PRELID2: variants seen among roughly 807,000 people sequenced by gnomAD.
The protein encoded by PRELID2 is PRELI domain-containing protein 2.
In PRELID2, 25 loss-of-function variants were observed where a neutral mutation model predicts 28.4. The observed-to-expected ratio is 0.88, with a 90% confidence interval of 0.64 to 1.23. PRELID2 has a LOEUF of 1.23. Among genes scored for constraint, PRELID2 ranks in the 50% most tolerant of loss-of-function variants. The probability of loss-of-function intolerance (pLI) is 0.00; values close to 1 mark genes in which losing one functional copy is unlikely to be tolerated. For missense variants in PRELID2, 201 were observed against 214.4 expected (o/e 0.94, Z 0.39); for synonymous variants, 76 against 71.6 (o/e 1.06, Z -0.31).
the PRELID2 span, among the ~76,000 whole-genome samples, chr5:145,311,274 A>T: frequency 6.6e-6 from 1 of 152,176 alleles, no homozygotes; most frequent in Non-Finnish European, 1.5e-5. Context: ...GAGGTGCTAG[A>T]GTGCAGCTCG....
intron 1 of PRELID2, among the ~76,000 whole-genome samples, chr5:145,690,259 C>A (rs1755120916): frequency 6.6e-6 from 1 of 152,166 alleles, no homozygotes; most frequent in Admixed American, 6.5e-5. Flanking sequence ...TCCCAAAATG[C>A]TGGGATAACA....
At chr5:145,264,439 G>A in the PRELID2 span, among the ~76,000 whole-genome samples, 1 of 152,050 alleles carries the variant, frequency 6.6e-6, no homozygotes, top group African/African-American at 2.4e-5. Context: ...AAAAAATCCA[G>A]CATCCCTTTA....
chr5:145,460,164 C>T, the PRELID2 span, among the ~76,000 whole-genome samples: 16 of 152,170 alleles, frequency 1.1e-4, no homozygotes, highest in Admixed American at 1.0e-3. Flanking sequence ...ATGTCATTAA[C>T]TAGTGAGACT....
chr5:145,260,241 C>T, the PRELID2 span, among the ~76,000 whole-genome samples: 1 of 152,128 alleles, frequency 6.6e-6, no homozygotes, highest in Admixed American at 6.5e-5. Context: ...ATAAACAACC[C>T]AGTCCCAGGT....
the PRELID2 span, among the ~76,000 whole-genome samples, chr5:145,419,197 C>T: frequency 1.3e-5 from 2 of 149,952 alleles, no homozygotes; most frequent in Non-Finnish European, 3.0e-5. Flanking sequence ...CATACGTGTG[C>T]ATGTGTCTTT....
At chr5:145,454,995 T>C in the PRELID2 span, among the ~76,000 whole-genome samples, 17 of 152,340 alleles carry the variant, frequency 1.1e-4, no homozygotes, top group African/African-American at 4.1e-4. Flanking sequence ...TAGATTCCAT[T>C]TGTCAATTTT....
intron 4 of PRELID2, among the ~76,000 whole-genome samples, chr5:145,810,924 G>C (rs1259700548): frequency 6.6e-6 from 1 of 151,810 alleles, no homozygotes; most frequent in Non-Finnish European, 1.5e-5. Flanking sequence ...GTTTGAGACA[G>C]AGGTTGTATT....
At chr5:145,342,994 A>C in the PRELID2 span, among the ~76,000 whole-genome samples, 2 of 151,896 alleles carry the variant, frequency 1.3e-5, no homozygotes, top group Non-Finnish European at 2.9e-5. Flanking sequence ...ACATGCATCC[A>C]ACACTAGAAT....
chr5:145,499,273 A>G (rs1477168786), intron 1 of PRELID2, among the ~76,000 whole-genome samples: 1 of 152,192 alleles, frequency 6.6e-6, no homozygotes, highest in Non-Finnish European at 1.5e-5. Context: ...TGTTAAAAGC[A>G]TATTATATAG....
At chr5:145,532,199 C>T (rs1752659741) in intron 1 of PRELID2, among the ~76,000 whole-genome samples, 1 of 152,060 alleles carries the variant, frequency 6.6e-6, no homozygotes, top group African/African-American at 2.4e-5. Flanking sequence ...CCCACCCAGA[C>T]CATTCATTAG....
chr5:145,605,410 C>A (rs1753490427), intron 1 of PRELID2, among the ~76,000 whole-genome samples: 1 of 152,136 alleles, frequency 6.6e-6, no homozygotes, highest in Non-Finnish European at 1.5e-5. Flanking sequence ...CTTATCCCAG[C>A]ACCATTTATT....
At chr5:145,679,729 T>C (rs61697400) in intron 1 of PRELID2, among the ~76,000 whole-genome samples, 4,542 of 151,754 alleles carry the variant, frequency 0.03, 216 homozygotes, top group African/African-American at 0.1. Context: ...TTAAACTATT[T>C]TGAGTTAATA....
chr5:145,279,897 A>T, the PRELID2 span, among the ~76,000 whole-genome samples: 3 of 151,890 alleles, frequency 2.0e-5, no homozygotes, highest in Non-Finnish European at 2.9e-5. Flanking sequence ...TGAAAACTTC[A>T]TCATGGATTT....
chr5:145,414,682 T>C, the PRELID2 span, among the ~76,000 whole-genome samples: 2 of 152,212 alleles, frequency 1.3e-5, no homozygotes, highest in South Asian at 2.1e-4. Flanking sequence ...CCTGGCAGAA[T>C]TGTGAATCAG....
intron 1 of PRELID2, among the ~76,000 whole-genome samples, chr5:145,728,159 C>T (rs114921186): frequency 1.5e-3 from 225 of 152,124 alleles, no homozygotes; most frequent in African/African-American, 4.8e-3. Flanking sequence ...GAGCACTGAC[C>T]GTATATTGCT....
Position 145,690,338 on chromosome 5 carries a change from A to G in PRELID2, n.70+74593T>C, listed in dbSNP as rs13362312. Among the ~76,000 whole-genome samples, 74 of 152,210 alleles carry G rather than the reference A, an allele frequency of 4.9e-4. No individual in the cohort carries two copies. In the East Asian group the frequency reaches 0.013, roughly 26 times the overall value. ...CCTTCATGCTTAGGGTGAAGTTCCA[A>G]TTCAGTTTAGCAGTGGAATATATGA... On this transcript the variant is annotated intron_variant and non_coding_transcript_variant, in intron 1 of 2. Transcript: ENST00000510259.
At chr5:145,403,601 T>C in the PRELID2 span, among the ~76,000 whole-genome samples, 7 of 152,104 alleles carry the variant, frequency 4.6e-5, no homozygotes, top group Non-Finnish European at 8.8e-5. Flanking sequence ...ACCTACTGGG[T>C]AAAAGAAGGA....
At chr5:145,421,878 A>C in the PRELID2 span, among the ~76,000 whole-genome samples, 1 of 150,228 alleles carries the variant, frequency 6.7e-6, no homozygotes, top group Non-Finnish European at 1.5e-5. Flanking sequence ...TTAGTGCTAT[A>C]AATTTCCCTC....
intron 1 of PRELID2, among the ~76,000 whole-genome samples, chr5:145,500,807 G>A (rs1354011572): frequency 1.3e-5 from 2 of 152,280 alleles, no homozygotes; most frequent in Admixed American, 6.5e-5. Context: ...ACAGCTATCA[G>A]GTGAGACTAA....
Sources: allele counts gnomAD v4.1 joint callset (sites outside exome capture counted in the v4.1 genomes callset), GRCh38; gene constraint gnomAD v4.1.1; transcripts MANE v1.5; gene names NCBI Gene and HGNC (gene_info 2026-07-23, HGNC 2026-07-21).